Variants in PKIA observed in about 807,000 individuals in gnomAD.
The protein encoded by PKIA is cAMP-dependent protein kinase inhibitor alpha.
Under a neutral mutation model 7.6 loss-of-function variants are expected in PKIA, and 4 were observed. The observed-to-expected ratio is 0.52, with a 90% CI of 0.26 to 1.20. PKIA has a LOEUF of 1.20. Ranked by LOEUF, PKIA falls within the 50% of genes most tolerant of loss-of-function variation. The pLI is 0.13. For missense variants in PKIA, 73 were observed against 86.2 expected (o/e 0.85, Z 0.61); for synonymous variants, 21 against 30.7 (o/e 0.68, Z 1.04).
chr8:78,601,132 T>G (rs536476082), intron 3 of PKIA, among the ~76,000 whole-genome samples: 12 of 152,002 alleles, frequency 7.9e-5, no homozygotes, highest in African/African-American at 2.4e-4. Context: ...ATGAGGGTGG[T>G]TTTATTGGAA....
chr8:78,550,246 A>G (rs1806949960), intron 1 of PKIA, among the ~76,000 whole-genome samples: 2 of 152,096 alleles, frequency 1.3e-5, no homozygotes, highest in South Asian at 4.1e-4. Flanking sequence ...TGTGTTTGCT[A>G]ATGGGTGCTT....
At chr8:78,569,753 T>C (rs1343851830) in intron 1 of PKIA, among the ~76,000 whole-genome samples, 1 of 152,134 alleles carries the variant, frequency 6.6e-6, no homozygotes. Flanking sequence ...AGCAATTATG[T>C]ATTTCTTAAA....
At chr8:78,563,078 C>T (rs1807322983) in intron 1 of PKIA, among the ~76,000 whole-genome samples, 1 of 152,144 alleles carries the variant, frequency 6.6e-6, no homozygotes. Flanking sequence ...CTTTCTGGTT[C>T]TATCCATGTA....
At chr8:78,599,222 T>C (rs931520715) in intron 3 of PKIA, among the ~76,000 whole-genome samples, 3 of 152,054 alleles carry the variant, frequency 2.0e-5, no homozygotes, top group African/African-American at 7.2e-5. Flanking sequence ...CCCTGATAGT[T>C]CCTCCACCCA....
chr8:78,523,478 T>G (rs1418934752), intron 1 of PKIA, among the ~76,000 whole-genome samples: 1 of 151,902 alleles, frequency 6.6e-6, no homozygotes, highest in African/African-American at 2.4e-5. Context: ...GAAGCAGCAG[T>G]TTTTTGGTCA....
intron 1 of PKIA, among the ~76,000 whole-genome samples, chr8:78,565,030 AT>A (rs1388329908): frequency 6.6e-6 from 1 of 151,628 alleles, no homozygotes; most frequent in Non-Finnish European, 1.5e-5. Context: ...GTTAAAGGAG[AT>A]TTTTTTGGCC....
Position 78,596,383 on chromosome 8 carries a change from G to A in PKIA, c.-27-1975G>A, listed in dbSNP as rs191923208. Among the ~76,000 whole-genome samples the A allele has an allele frequency of 8.5e-5, 13 of 152,126 alleles. No individual in the cohort carries two copies. In the East Asian group the frequency reaches 1.5e-3, roughly 18 times the overall value. On this transcript the variant is annotated intron_variant, in intron 2 of 3. Transcript: ENST00000396418. Reference sequence around the variant, plus strand: ...GCCTCTTGAGTAGCTGGGATTACAGGCACCCAACACCAGGCCTAGCTAATT... The same window carrying A: ...GCCTCTTGAGTAGCTGGGATTACAGACACCCAACACCAGGCCTAGCTAATT...
Position 78,545,216 on chromosome 8 carries a change from C to T in PKIA, c.-156-27595C>T, listed in dbSNP as rs114720008. ...TTTAGTAATGCTTTTGTTTTTCCAA[C>T]CCCAGTCTTTGGAGAAAATGTTGGG... On this transcript the variant is annotated intron_variant, in intron 1 of 3. Coordinates refer to ENST00000396418, the MANE Select transcript of PKIA (RefSeq NM_006823.4). Among the ~76,000 whole-genome samples the T allele has an allele frequency of 5.6e-3, 846 of 152,152 alleles. 6 individuals are homozygous for T. Among genetic ancestry groups the T allele is most frequent in the African/African-American group, 0.019 (795 of 41,520 alleles).
At chr8:78,556,212 T>C (rs1807130664) in intron 1 of PKIA, among the ~76,000 whole-genome samples, 2 of 152,120 alleles carry the variant, frequency 1.3e-5, no homozygotes, top group Non-Finnish European at 1.5e-5. Flanking sequence ...TCACTGTTAT[T>C]TACATGAGTC....
intron 1 of PKIA, among the ~76,000 whole-genome samples, chr8:78,532,152 T>C (rs1806403563): frequency 6.6e-6 from 1 of 152,116 alleles, no homozygotes; most frequent in African/African-American, 2.4e-5. Context: ...TACCTATTAG[T>C]TATTTTTCCA....
At chr8:78,576,828 G>A (rs1807684720) in intron 2 of PKIA, among the ~76,000 whole-genome samples, 1 of 151,868 alleles carries the variant, frequency 6.6e-6, no homozygotes, top group Admixed American at 6.6e-5. Context: ...CACATTACTG[G>A]TTTTATATAC....
intron 1 of PKIA, among the ~76,000 whole-genome samples, chr8:78,556,062 C>T (rs577512824): frequency 1.3e-5 from 2 of 152,062 alleles, no homozygotes; most frequent in East Asian, 3.9e-4. Flanking sequence ...TTGTCCTTTC[C>T]TTTTATGTTT....
intron 1 of PKIA, chr8:78,534,021 G>T (rs866107957): frequency 6.6e-6 from 1 of 152,034 alleles, no homozygotes; most frequent in South Asian, 2.1e-4. Context: ...AAACAAGCAA[G>T]TGTTTATTCA....
intron 1 of PKIA, among the ~76,000 whole-genome samples, chr8:78,554,788 G>A (rs375533922): frequency 1.3e-5 from 2 of 152,156 alleles, no homozygotes; most frequent in African/African-American, 4.8e-5. Flanking sequence ...ATGCATTTAG[G>A]AGACATTCTC....
intron 1 of PKIA, among the ~76,000 whole-genome samples, chr8:78,522,850 T>C (rs758336597): frequency 2.0e-5 from 3 of 152,132 alleles, no homozygotes; most frequent in Non-Finnish European, 2.9e-5. Context: ...ACCTACATTA[T>C]GGTAAATCTT....
At chr8:78,585,836 CAGAAA>C (rs1321378598) in intron 2 of PKIA, among the ~76,000 whole-genome samples, 1 of 152,090 alleles carries the variant, frequency 6.6e-6, no homozygotes, top group Non-Finnish European at 1.5e-5. Context: ...TTCATTCACT[CAGAAA>C]AGAAAAGATC....
At chr8:78,522,303 T>C (rs1474783968) in intron 1 of PKIA, among the ~76,000 whole-genome samples, 1 of 151,978 alleles carries the variant, frequency 6.6e-6, no homozygotes, top group Non-Finnish European at 1.5e-5. Context: ...CTTCAAGTTA[T>C]GTGGTAATAA....
chr8:78,576,694 G>A (rs1715702358), intron 2 of PKIA, among the ~76,000 whole-genome samples: 1 of 151,994 alleles, frequency 6.6e-6, no homozygotes, highest in Non-Finnish European at 1.5e-5. Context: ...GCAGCTTTAG[G>A]TGGTTAGGCA....
chr8:78,523,554 T>C (rs1447069414), intron 1 of PKIA, among the ~76,000 whole-genome samples: 2 of 151,846 alleles, frequency 1.3e-5, no homozygotes, highest in East Asian at 1.9e-4. Flanking sequence ...TCTGACCAAA[T>C]AAACACAGAA....
Sources: allele counts gnomAD v4.1 joint callset (sites outside exome capture counted in the v4.1 genomes callset), GRCh38; gene constraint gnomAD v4.1.1; transcripts MANE v1.5; gene names NCBI Gene and HGNC (gene_info 2026-07-23, HGNC 2026-07-21).